SUCLG2: variants seen among roughly 807,000 people sequenced by gnomAD.
SUCLG2 encodes succinate-CoA ligase GDP-forming subunit beta.
A neutral mutation model predicts 47.9 loss-of-function variants in SUCLG2; 42 were observed. That is an observed-to-expected ratio of 0.88 (90% CI 0.69 to 1.14). The LOEUF is 1.14. Ranked by LOEUF, SUCLG2 falls within the 50% of genes most tolerant of loss-of-function variation. SUCLG2 has a pLI of 0.00. For missense variants in SUCLG2, 571 were observed against 525.9 expected (o/e 1.09, Z -0.84); for synonymous variants, 195 against 197.3 (o/e 0.99, Z 0.10).
intron 1 of SUCLG2, among the ~76,000 whole-genome samples, chr3:67,633,781 T>C (rs573591333): frequency 6.6e-6 from 1 of 152,324 alleles, no homozygotes; most frequent in Non-Finnish European, 1.5e-5. Flanking sequence ...GCCATGTCAA[T>C]GTGGGTCTCG....
intron 9 of SUCLG2, among the ~76,000 whole-genome samples, chr3:67,444,262 G>C: frequency 1.7e-5 from 1 of 58,160 alleles, no homozygotes; most frequent in Non-Finnish European, 3.7e-5. Context: ...AGCCCGGCCA[G>C]CCACCCCGTC....
chr3:67,648,484 A>G (rs1299486676), intron 1 of SUCLG2, among the ~76,000 whole-genome samples: 1 of 152,216 alleles, frequency 6.6e-6, no homozygotes, highest in Non-Finnish European at 1.5e-5. Flanking sequence ...GACAGAGCTT[A>G]ATAATTTAAC....
chr3:67,414,782 A>G (rs1233071160), intron 9 of SUCLG2, among the ~76,000 whole-genome samples: 2 of 152,188 alleles, frequency 1.3e-5, no homozygotes, highest in Non-Finnish European at 2.9e-5. Flanking sequence ...AAACCAGTGC[A>G]TCTTTCCTGA....
chr3:67,440,011 T>C (rs1407533452), intron 9 of SUCLG2, among the ~76,000 whole-genome samples: 1 of 152,162 alleles, frequency 6.6e-6, no homozygotes, highest in East Asian at 1.9e-4. Flanking sequence ...GAAAACAGCA[T>C]GGTATTAGTA....
At chr3:67,403,159 G>T (rs1189123644) in intron 9 of SUCLG2, among the ~76,000 whole-genome samples, 1 of 152,126 alleles carries the variant, frequency 6.6e-6, no homozygotes. Flanking sequence ...ACTTTAGTTG[G>T]TGCTGAACCC....
chr3:67,397,227 C>G (rs999929670), intron 10 of SUCLG2, among the ~76,000 whole-genome samples: 1 of 152,100 alleles, frequency 6.6e-6, no homozygotes, highest in African/African-American at 2.4e-5. Flanking sequence ...AAGAGGAAGC[C>G]CAACTGTCCT....
At chr3:67,649,451 G>T (rs746196270) in intron 1 of SUCLG2, among the ~76,000 whole-genome samples, 65 of 152,116 alleles carry the variant, frequency 4.3e-4, no homozygotes, top group Non-Finnish European at 7.6e-4. Context: ...CAGTTGTGGG[G>T]GTTAATTTTA....
chr3:67,458,736 A>C (rs1240878388), intron 9 of SUCLG2, among the ~76,000 whole-genome samples: 1 of 152,166 alleles, frequency 6.6e-6, no homozygotes, highest in Non-Finnish European at 1.5e-5. Context: ...GAACCACCCC[A>C]CCAGTCAGGA....
Position 67,479,627 on chromosome 3 carries a change from A to G in SUCLG2, c.1062+16171T>C, listed in dbSNP as rs184469748. 1.1e-4 allele frequency among the ~76,000 whole-genome samples: 17 copies of G among 152,376 alleles called. No homozygotes were observed. In the East Asian group the frequency reaches 2.9e-3, roughly 26 times the overall value. On this transcript the variant is annotated intron_variant, in intron 9 of 10. Coordinates refer to ENST00000307227, the MANE Select transcript of SUCLG2 (RefSeq NM_003848.4). The stretch of plus-strand genomic sequence containing the variant: ...AACACTTATAAATCAAGAGGCGGAA[A>G]GAAAGCGCTAAGAGTGATTAAATGC...
chr3:67,419,094 A>G (rs2106854202), intron 9 of SUCLG2, among the ~76,000 whole-genome samples: 1 of 152,292 alleles, frequency 6.6e-6, no homozygotes, highest in East Asian at 1.9e-4. Context: ...ACGCTCAGTC[A>G]TCTCTGTCCT....
At chr3:67,628,543 C>G (rs9830311) in intron 1 of SUCLG2, among the ~76,000 whole-genome samples, 12,154 of 152,226 alleles carry the variant, frequency 0.08, 865 homozygotes, top group African/African-American at 0.19. Context: ...TGGTTTGGCT[C>G]TGTCCCCACT....
intron 1 of SUCLG2, among the ~76,000 whole-genome samples, chr3:67,652,894 T>A (rs1701312012): frequency 6.6e-6 from 1 of 152,206 alleles, no homozygotes; most frequent in African/African-American, 2.4e-5. Flanking sequence ...TACCTTTCTA[T>A]CTTTAAAAAA....
At chr3:67,421,203 T>C (rs868563591) in intron 9 of SUCLG2, among the ~76,000 whole-genome samples, 1 of 152,094 alleles carries the variant, frequency 6.6e-6, no homozygotes, top group Non-Finnish European at 1.5e-5. Flanking sequence ...TGATACCCCA[T>C]CTACCACATT....
chr3:67,499,328 G>T (rs560913483), intron 7 of SUCLG2, among the ~76,000 whole-genome samples: 3 of 152,112 alleles, frequency 2.0e-5, no homozygotes, highest in African/African-American at 7.2e-5. Flanking sequence ...TTTTTTAATT[G>T]GAAAAAATGG....
At chr3:67,643,384 G>C (rs569306232) in intron 1 of SUCLG2, among the ~76,000 whole-genome samples, 5 of 152,182 alleles carry the variant, frequency 3.3e-5, no homozygotes, top group African/African-American at 9.6e-5. Context: ...CGGTGTTTTT[G>C]GTCTTTGGAA....
rs139549550 is a variant in SUCLG2, at chr3:67,374,926, T to C, written c.*818A>G. ...GTAAGAGAGAAACGAGGAGAGAAGA[T>C]AGTGATACTAAACACAATTTGATCT... On this transcript the variant is annotated 3_prime_UTR_variant, in exon 11 of 11. Transcript: ENST00000307227. 1.0e-4 allele frequency: 102 copies of C among 985,624 alleles called. No individual in the cohort carries two copies. In the African/African-American group the frequency reaches 1.4e-3, roughly 14 times the overall value. 61.1% of individuals were successfully genotyped at this position (985,624 alleles called of 1,614,324 possible). A position where few individuals can be genotyped will look rare whatever the true frequency, so the allele number is the denominator to read the frequency against.
intron 1 of SUCLG2, among the ~76,000 whole-genome samples, chr3:67,642,522 A>G (rs912933623): frequency 3.3e-5 from 5 of 152,104 alleles, no homozygotes; most frequent in African/African-American, 1.2e-4. Flanking sequence ...AGAACAGAGG[A>G]TTCATTGTGC....
At chr3:67,379,516 A>C (rs1209748124) in intron 10 of SUCLG2, among the ~76,000 whole-genome samples, 1 of 152,120 alleles carries the variant, frequency 6.6e-6, no homozygotes, top group Non-Finnish European at 1.5e-5. Context: ...GATCTTCTTA[A>C]TTTTTTGAGA....
intron 1 of SUCLG2, among the ~76,000 whole-genome samples, chr3:67,652,943 T>A (rs6788874): frequency 0.34 from 51,888 of 151,986 alleles, 9,045 homozygotes; most frequent in Non-Finnish European, 0.36. Flanking sequence ...GAAAAACACA[T>A]CATCCACAAA....
Sources: gnomAD v4.1 joint callset for allele counts (sites outside exome capture counted in the v4.1 genomes callset) on GRCh38, gnomAD v4.1.1 for gene constraint, MANE v1.5 for transcripts, NCBI Gene and HGNC (gene_info 2026-07-23, HGNC 2026-07-21) for gene names.